Variants in NEXMIF observed in about 807,000 individuals in gnomAD.
NEXMIF encodes the protein XLMR protein related to neurite extension.
NEXMIF carries 8 observed loss-of-function variants against 62.1 expected under a neutral mutation model. The ratio of observed to expected loss-of-function variants is 0.13; its 90% confidence interval spans 0.08 to 0.23. NEXMIF has a LOEUF of 0.23. Among genes scored for constraint, NEXMIF ranks in the 10% least tolerant of loss-of-function variants. NEXMIF has a pLI of 1.00. For missense variants in NEXMIF, 976 were observed against 1,113.3 expected (o/e 0.88, Z 1.75); for synonymous variants, 404 against 416.6 (o/e 0.97, Z 0.37).
chrX:74,917,009 AC>A (rs1316917821), intron 1 of NEXMIF, among the ~76,000 whole-genome samples: 2 of 111,932 alleles, frequency 1.8e-5, no homozygotes, highest in African/African-American at 6.5e-5. Context: ...GGTTCTATTA[AC>A]CCACATGCTC....
At chrX:74,792,876 C>T (rs1310893867) in intron 1 of NEXMIF, among the ~76,000 whole-genome samples, 24 of 100,777 alleles carry the variant, frequency 2.4e-4, no homozygotes, top group South Asian at 5.0e-4. Context: ...TGTCTCTGCA[C>T]GTGAGATGGG....
intron 1 of NEXMIF, among the ~76,000 whole-genome samples, chrX:74,758,410 T>TA (rs1296936758): frequency 3.1e-4 from 34 of 110,377 alleles, no homozygotes; most frequent in African/African-American, 6.2e-4. Flanking sequence ...AAAACTGATT[T>TA]AAAAAAAAAC....
Position 74,740,506 on chromosome X carries a change from G to C in NEXMIF, c.4051C>G (p.Pro1351Ala). ...GACTCAGGGGAGTAGAATATGTTGGGATCCCCATGGTGCTCCATGGGTTCC... is the reference window on the plus strand; with the variant it reads ...GACTCAGGGGAGTAGAATATGTTGGCATCCCCATGGTGCTCCATGGGTTCC... ...LWEPMEHHGD[P>A]NIFYSPESNS... Residue 1351 changes from proline to alanine, a missense_variant, in exon 3 of 4, where the codon CCC becomes GCC. Transcript: ENST00000055682. The C allele has an allele frequency of 4.1e-6, 5 of 1,211,429 alleles. No homozygotes were observed. Among genetic ancestry groups the C allele is most frequent in the Non-Finnish European group, 5.6e-6 (5 of 895,270 alleles).
intron 1 of NEXMIF, among the ~76,000 whole-genome samples, chrX:74,847,914 AGTAAAT>A (rs1180607860): frequency 1.8e-5 from 2 of 111,522 alleles, no homozygotes; most frequent in African/African-American, 6.5e-5. Flanking sequence ...TCTTTAGTCA[AGTAAAT>A]GGTCAGACCA....
At chrX:74,896,301 T>C (rs2147367607) in intron 1 of NEXMIF, among the ~76,000 whole-genome samples, 1 of 111,425 alleles carries the variant, frequency 9.0e-6, no homozygotes, top group East Asian at 2.8e-4. Flanking sequence ...TACTTCCCCT[T>C]CCTCAACCCT....
At chrX:74,811,321 C>G (rs2080359805) in intron 1 of NEXMIF, among the ~76,000 whole-genome samples, 1 of 111,464 alleles carries the variant, frequency 9.0e-6, no homozygotes, top group Non-Finnish European at 1.9e-5. Flanking sequence ...TATGACTTCC[C>G]CTTCCATTTT....
chrX:74,742,844 A>G lies in NEXMIF; in HGVS notation c.1713T>C (p.Ser571=). The change falls in exon 3 of 4, where the codon AGT becomes AGC. Residue 571 remains serine, a synonymous_variant. Transcript: ENST00000055682. ...TGGCATATTTGTTGAGCTGATTCTC[A>G]CTCAAATTCACTGTTGTCTCACTGG... ...VDASETTVNL[S]ENQLNKYAKL... 3.3e-6 allele frequency: 4 copies of G among 1,210,659 alleles called. No homozygotes were observed. Among genetic ancestry groups the G allele is most frequent in the Non-Finnish European group, 4.5e-6 (4 of 895,104 alleles).
chrX:74,770,716 A>G (rs1384525090), intron 1 of NEXMIF, among the ~76,000 whole-genome samples: 3 of 112,039 alleles, frequency 2.7e-5, no homozygotes, highest in South Asian at 7.3e-4. Context: ...TCATAAGATT[A>G]CTTATTAACT....
intron 1 of NEXMIF, among the ~76,000 whole-genome samples, chrX:74,876,388 G>C (rs1032225676): frequency 1.8e-5 from 2 of 111,562 alleles, no homozygotes; most frequent in Non-Finnish European, 1.9e-5. Context: ...TTTTACATTT[G>C]CTGAGGACTG....
intron 1 of NEXMIF, among the ~76,000 whole-genome samples, chrX:74,845,736 C>T (rs772957229): frequency 1.8e-4 from 20 of 110,741 alleles, no homozygotes; most frequent in Non-Finnish European, 3.6e-4. Context: ...TTGAGTCTTT[C>T]CTCCTACAAG....
intron 1 of NEXMIF, among the ~76,000 whole-genome samples, chrX:74,798,294 T>C (rs2080318686): frequency 8.9e-6 from 1 of 111,789 alleles, no homozygotes; most frequent in African/African-American, 3.2e-5. Flanking sequence ...AGTGCCTAAC[T>C]CAGAAAGGCA....
chrX:74,816,724 A>G (rs1240644897), intron 1 of NEXMIF, among the ~76,000 whole-genome samples: 3 of 111,930 alleles, frequency 2.7e-5, no homozygotes, highest in Non-Finnish European at 5.6e-5. Flanking sequence ...TGAATGAGTT[A>G]TCCTTAACCC....
rs2080114838 is a variant in NEXMIF, at chrX:74,743,494, G to A, written c.1063C>T (p.Leu355=). Residue 355 remains leucine, a synonymous_variant, in exon 3 of 4, where the codon CTG becomes TTG. Transcript: ENST00000055682. ...CPKRESKSGA[L]KQSSDFSQFK... The stretch of plus-strand genomic sequence containing the variant: ...TGGGAAAAATCACTGCTCTGCTTCA[G>A]GGCCCCACTCTTAGACTCTCGCTTG... 8.3e-7 allele frequency: 1 copy of A among 1,209,408 alleles called. No individual in the cohort carries two copies. The highest frequency in any genetic ancestry group is 2.2e-5 in the Admixed American group (1 of 45,598).
intron 1 of NEXMIF, among the ~76,000 whole-genome samples, chrX:74,846,271 T>C (rs1208563433): frequency 8.9e-6 from 1 of 112,234 alleles, no homozygotes; most frequent in Non-Finnish European, 1.9e-5. Flanking sequence ...CCTATCACTG[T>C]ACTGGACTAA....
intron 1 of NEXMIF, among the ~76,000 whole-genome samples, chrX:74,849,585 T>C (rs2080505930): frequency 8.9e-6 from 1 of 112,634 alleles, no homozygotes; most frequent in South Asian, 3.7e-4. Flanking sequence ...CCAGGCTGCA[T>C]CCTGCACTGG....
intron 1 of NEXMIF, among the ~76,000 whole-genome samples, chrX:74,772,064 A>G (rs2080211838): frequency 1.8e-5 from 2 of 111,937 alleles, no homozygotes; most frequent in Admixed American, 1.9e-4. Flanking sequence ...GGGGAGAACT[A>G]CCTGAATGGG....
intron 1 of NEXMIF, among the ~76,000 whole-genome samples, chrX:74,920,820 A>G (rs2080824451): frequency 9.0e-6 from 1 of 111,301 alleles, no homozygotes; most frequent in Non-Finnish European, 1.9e-5. Context: ...CTACTTTAGC[A>G]CTCAGGCCCA....
At chrX:74,794,613 C>G (rs1480121991) in intron 1 of NEXMIF, among the ~76,000 whole-genome samples, 1 of 112,086 alleles carries the variant, frequency 8.9e-6, no homozygotes, top group Non-Finnish European at 1.9e-5. Flanking sequence ...GACTGCTGTG[C>G]TAGCAATCAG....
chrX:74,767,481 GA>G (rs2147453211), intron 1 of NEXMIF, among the ~76,000 whole-genome samples: 1 of 112,017 alleles, frequency 8.9e-6, no homozygotes, highest in East Asian at 2.9e-4. Flanking sequence ...GCCCAGTGAA[GA>G]GAAACGGGAT....
Sources: allele counts gnomAD v4.1 joint callset (sites outside exome capture counted in the v4.1 genomes callset), GRCh38; gene constraint gnomAD v4.1.1; transcripts MANE v1.5; gene names NCBI Gene and HGNC (gene_info 2026-07-23, HGNC 2026-07-21).